The following DPP6 variants were observed in gnomAD, a reference collection of about 807,000 sequenced individuals.
DPP6 encodes the protein dipeptidyl peptidase like 6.
In DPP6, 69 loss-of-function variants were observed where a neutral mutation model predicts 122.6. The observed-to-expected ratio is 0.56, with a 90% CI of 0.46 to 0.69. The LOEUF is 0.69. DPP6 is among the 30% of genes least tolerant of loss of function. The probability of loss-of-function intolerance (pLI) is 0.00; values close to 1 mark genes in which losing one functional copy is unlikely to be tolerated. For missense variants in DPP6, 928 were observed against 1,116.9 expected (o/e 0.83, Z 2.41); for synonymous variants, 418 against 433.1 (o/e 0.97, Z 0.43).
At chr7:154,499,667 T>A (rs767936428) in intron 3 of DPP6, among the ~76,000 whole-genome samples, 1 of 150,866 alleles carries the variant, frequency 6.6e-6, no homozygotes, top group Admixed American at 6.6e-5. Flanking sequence ...AATAAAAAAA[T>A]TCCCTATGAA....
chr7:154,425,621 G>GGTGTGTGTGTGTGTGTGT (rs3056535), intron 1 of DPP6, among the ~76,000 whole-genome samples: 5 of 121,514 alleles, frequency 4.1e-5, no homozygotes, highest in African/African-American at 2.1e-4. Flanking sequence ...TGTGTGTGTG[G>GGTGTGTGTGTGTGTGTGT]GTGTGTGTGT....
In DPP6 at chr7:154,130,069, G is replaced by A. The variant is rs530389988; in HGVS notation, c.243+77006G>A. On this transcript the variant is annotated intron_variant, in intron 1 of 25. Transcript: ENST00000377770. ...GCGCCATTGCACTCCAGTCTGGGTG[G>A]CAGAGTAAGACTCTGTCCCCCCACA... Among the ~76,000 whole-genome samples the A allele has an allele frequency of 4.8e-3, 731 of 151,696 alleles. 6 individuals are homozygous for A. Among genetic ancestry groups the A allele is most frequent in the African/African-American group, 0.017 (698 of 41,310 alleles).
chr7:154,246,567 C>G (rs993774381), intron 1 of DPP6, among the ~76,000 whole-genome samples: 1 of 152,024 alleles, frequency 6.6e-6, no homozygotes, highest in African/African-American at 2.4e-5. Context: ...TTAAGTGATC[C>G]TAGAATAGCT....
chr7:154,502,357 A>G (rs112290527), intron 3 of DPP6, among the ~76,000 whole-genome samples: 39,635 of 151,916 alleles, frequency 0.26, 5,351 homozygotes, highest in Non-Finnish European at 0.29. Flanking sequence ...GAATGATATG[A>G]TTTGGCTCTG....
chr7:154,856,643 CT>C (rs1802855442), intron 17 of DPP6, among the ~76,000 whole-genome samples: 1 of 152,194 alleles, frequency 6.6e-6, no homozygotes, highest in Admixed American at 6.5e-5. Context: ...TTCTTTTCCT[CT>C]GTAGGACTGG....
chr7:153,925,454 G>A (rs1381794445), intron 1 of DPP6, among the ~76,000 whole-genome samples: 1 of 150,616 alleles, frequency 6.6e-6, no homozygotes, highest in Non-Finnish European at 1.5e-5. Context: ...AGGTCCCCGA[G>A]GTTCTGATGA....
rs868633785 is a variant in DPP6 at position 154,277,659 on chromosome 7, G to A, written c.244-168555G>A. On this transcript the variant is annotated intron_variant, in intron 1 of 25. Coordinates refer to ENST00000377770, the MANE Select transcript of DPP6 (RefSeq NM_130797.4). ...TCATGCCTGCAATCCCAGCTACTTG[G>A]GAGGCTGAGGCAGGAGAATTGCTTG... 3.3e-5 allele frequency among the ~76,000 whole-genome samples: 5 copies of A among 152,268 alleles called. No individual in the cohort carries two copies. The South Asian group carries it at 6.2e-4, about 19-fold the overall frequency.
chr7:153,995,478 T>C (rs61184492), intron 1 of DPP6, among the ~76,000 whole-genome samples: 4,407 of 148,980 alleles, frequency 0.03, 115 homozygotes, highest in African/African-American at 0.083. Context: ...CTCAGCTACT[T>C]GGAGAGAGGC....
intron 4 of DPP6, among the ~76,000 whole-genome samples, chr7:154,556,525 T>C (rs1393801216): frequency 6.6e-6 from 1 of 152,220 alleles, no homozygotes; most frequent in African/African-American, 2.4e-5. Context: ...AGTCTCATTG[T>C]ACAAATACAC....
chr7:154,391,827 C>G (rs1814647582), intron 1 of DPP6, among the ~76,000 whole-genome samples: 1 of 152,126 alleles, frequency 6.6e-6, no homozygotes, highest in African/African-American at 2.4e-5. Context: ...CCCTCTAGCA[C>G]AAGGTTGCTT....
intron 1 of DPP6, among the ~76,000 whole-genome samples, chr7:154,318,039 G>A (rs573409924): frequency 3.3e-5 from 5 of 152,312 alleles, no homozygotes; most frequent in Admixed American, 2.6e-4. Context: ...AACTTTTAGT[G>A]ATATGGTAGT....
At chr7:154,456,409 C>A (rs1283646814) in intron 2 of DPP6, among the ~76,000 whole-genome samples, 1 of 152,202 alleles carries the variant, frequency 6.6e-6, no homozygotes, top group East Asian at 1.9e-4. Context: ...TTTAATCAGT[C>A]TCTTTCTTGC....
At chr7:154,365,815 A>G (rs984104371) in intron 1 of DPP6, among the ~76,000 whole-genome samples, 8 of 152,058 alleles carry the variant, frequency 5.3e-5, no homozygotes, top group African/African-American at 1.9e-4. Flanking sequence ...AAAATTAGCC[A>G]CACGTGGTGG....
chr7:154,876,265 A>G, intron 20 of DPP6, 165 bp downstream of exon 20: 3 of 1,214,220 alleles, frequency 2.5e-6, no homozygotes, highest in Non-Finnish European at 3.2e-6. Context: ...GTTTCAAAGG[A>G]AACTTAGGAA....
At chr7:153,994,505 A>G (rs1407983856) in intron 1 of DPP6, among the ~76,000 whole-genome samples, 1 of 152,106 alleles carries the variant, frequency 6.6e-6, no homozygotes, top group African/African-American at 2.4e-5. Flanking sequence ...AGGGTCTAGA[A>G]AGAGCCATCC....
chr7:153,899,446 C>T (rs1346549452), intron 1 of DPP6, among the ~76,000 whole-genome samples: 1 of 152,168 alleles, frequency 6.6e-6, no homozygotes, highest in Non-Finnish European at 1.5e-5. Context: ...AATGGATCGT[C>T]TCGCTCATCC....
chr7:154,247,727 C>T (rs1294400202), intron 1 of DPP6, among the ~76,000 whole-genome samples: 3 of 151,878 alleles, frequency 2.0e-5, no homozygotes, highest in Admixed American at 6.6e-5. Context: ...ATATAGTGCC[C>T]GACTGCAGTC....
chr7:154,002,582 G>A (rs541757239), intron 1 of DPP6, among the ~76,000 whole-genome samples: 2 of 152,278 alleles, frequency 1.3e-5, no homozygotes, highest in African/African-American at 4.8e-5. Flanking sequence ...TTTTCAGTGA[G>A]TGCAGATAGG....
intron 1 of DPP6, among the ~76,000 whole-genome samples, chr7:154,037,287 C>T (rs1032805123): frequency 5.3e-5 from 8 of 152,102 alleles, no homozygotes; most frequent in Non-Finnish European, 1.2e-4. Context: ...TTACTTTCCC[C>T]ATTGGTATTC....
Sources: gnomAD v4.1 joint callset for allele counts (sites outside exome capture counted in the v4.1 genomes callset) on GRCh38, gnomAD v4.1.1 for gene constraint, MANE v1.5 for transcripts, NCBI Gene and HGNC (gene_info 2026-07-23, HGNC 2026-07-21) for gene names.